Variants in LINGO2 observed in about 807,000 individuals in gnomAD.
The protein encoded by LINGO2 is leucine rich repeat and Ig domain containing 2, also known as leucine-rich repeat and immunoglobulin-like domain-containing nogo receptor-interacting protein 2.
In LINGO2, 14 loss-of-function variants were observed where a neutral mutation model predicts 30.6. The observed-to-expected ratio is 0.46, with a 90% CI of 0.30 to 0.72. The LOEUF is 0.72. Ranked by LOEUF, LINGO2 falls within the 30% of genes least tolerant of loss-of-function variation. LINGO2 has a pLI of 0.07. For missense variants in LINGO2, 729 were observed against 751.7 expected, an observed-to-expected ratio of 0.97 and a Z score of 0.35; for synonymous variants, 317 against 288.5, an observed-to-expected ratio of 1.10 and a Z score of -1.00.
At chr9:28,454,770 A>G (rs1366431722) in intron 2 of LINGO2, among the ~76,000 whole-genome samples, 1 of 152,026 alleles carries the variant, frequency 6.6e-6, no homozygotes, top group Non-Finnish European at 1.5e-5. Context: ...CACTTGACAG[A>G]TATCATAGAA....
At chr9:28,912,100 C>T in the LINGO2 span, among the ~76,000 whole-genome samples, 1 of 152,136 alleles carries the variant, frequency 6.6e-6, no homozygotes, top group African/African-American at 2.4e-5. Flanking sequence ...GGCAACATGG[C>T]TTAATCTAAC....
At chr9:28,926,139 C>A in the LINGO2 span, among the ~76,000 whole-genome samples, 1 of 152,032 alleles carries the variant, frequency 6.6e-6, no homozygotes, top group Non-Finnish European at 1.5e-5. Context: ...ATGGTGAAAC[C>A]CCATCTCTAC....
At chr9:28,610,185 G>A (rs1356704021) in intron 1 of LINGO2, among the ~76,000 whole-genome samples, 1 of 151,962 alleles carries the variant, frequency 6.6e-6, no homozygotes, top group African/African-American at 2.4e-5. Flanking sequence ...GACTATTTTT[G>A]AAGTATTTAA....
chr9:28,254,472 G>T (rs1822313782), intron 4 of LINGO2, among the ~76,000 whole-genome samples: 1 of 152,018 alleles, frequency 6.6e-6, no homozygotes, highest in African/African-American at 2.4e-5. Context: ...CTTCCTAGAT[G>T]AAAGATAGAC....
At chr9:28,841,204 G>C in the LINGO2 span, among the ~76,000 whole-genome samples, 1 of 151,726 alleles carries the variant, frequency 6.6e-6, no homozygotes, top group Non-Finnish European at 1.5e-5. Context: ...GTAGAAATCA[G>C]GGCTGACTCA....
chr9:28,427,880 TTA>T (rs1251146332), intron 2 of LINGO2, among the ~76,000 whole-genome samples: 1 of 152,136 alleles, frequency 6.6e-6, no homozygotes, highest in Non-Finnish European at 1.5e-5. Flanking sequence ...ACTGATAATA[TTA>T]TATGAGGACA....
intron 4 of LINGO2, among the ~76,000 whole-genome samples, chr9:28,125,851 G>T (rs1313828022): frequency 1.3e-5 from 2 of 152,106 alleles, no homozygotes; most frequent in Non-Finnish European, 2.9e-5. Flanking sequence ...AATTCCAGAG[G>T]TTCAGTTTTT....
chr9:28,499,053 A>C (rs912724079), intron 1 of LINGO2, among the ~76,000 whole-genome samples: 20 of 152,128 alleles, frequency 1.3e-4, no homozygotes, highest in African/African-American at 4.8e-4. Flanking sequence ...GTATTTTCAC[A>C]AGAAAGTAGC....
chr9:28,317,314 T>G (rs1824880231), intron 3 of LINGO2, among the ~76,000 whole-genome samples: 1 of 152,144 alleles, frequency 6.6e-6, no homozygotes, highest in Non-Finnish European at 1.5e-5. Flanking sequence ...TTATCTCAGT[T>G]GGAGAGCTAG....
At chr9:28,526,721 C>T (rs966597414) in intron 1 of LINGO2, among the ~76,000 whole-genome samples, 1 of 152,198 alleles carries the variant, frequency 6.6e-6, no homozygotes, top group Admixed American at 6.5e-5. Flanking sequence ...TCCCTGGAAG[C>T]TCAAGTACCT....
intron 4 of LINGO2, among the ~76,000 whole-genome samples, chr9:28,021,262 C>T (rs1442897022): frequency 6.6e-6 from 1 of 152,104 alleles, no homozygotes; most frequent in African/African-American, 2.4e-5. Context: ...TTCTTTGACC[C>T]ATGTGTTATG....
At chr9:28,493,932 G>A (rs536907301) in intron 1 of LINGO2, among the ~76,000 whole-genome samples, 1 of 152,076 alleles carries the variant, frequency 6.6e-6, no homozygotes, top group Admixed American at 6.5e-5. Flanking sequence ...GACTTGACTG[G>A]CTTCCTCTCT....
At chr9:28,444,712 G>GAGCCTTGCA (rs1162334195) in intron 2 of LINGO2, among the ~76,000 whole-genome samples, 13 of 152,156 alleles carry the variant, frequency 8.5e-5, no homozygotes, top group African/African-American at 3.1e-4. Context: ...GGTCCAACTG[G>GAGCCTTGCA]AGCCTTGCAT....
At chr9:27,961,954 A>C (rs1259011372) in intron 5 of LINGO2, among the ~76,000 whole-genome samples, 3 of 152,186 alleles carry the variant, frequency 2.0e-5, no homozygotes, top group African/African-American at 7.2e-5. Flanking sequence ...AATTTAAAGC[A>C]GCATGAGGAA....
chr9:28,682,958 A>G, the LINGO2 span, among the ~76,000 whole-genome samples: 17,486 of 152,090 alleles, frequency 0.11, 1,183 homozygotes, highest in African/African-American at 0.18. Flanking sequence ...TGAATGAAGG[A>G]TAAGAAAACC....
intron 4 of LINGO2, among the ~76,000 whole-genome samples, chr9:28,249,427 G>A (rs1822115766): frequency 1.3e-5 from 2 of 152,120 alleles, no homozygotes; most frequent in Admixed American, 1.3e-4. Flanking sequence ...TGTGTTTAAT[G>A]TGCTTATGGT....
At chr9:28,117,652 C>T (rs1348193082) in intron 4 of LINGO2, among the ~76,000 whole-genome samples, 1 of 132,418 alleles carries the variant, frequency 7.6e-6, no homozygotes, top group Non-Finnish European at 1.6e-5. Flanking sequence ...GCGCAATATT[C>T]GGGTGGGAGT....
intron 4 of LINGO2, among the ~76,000 whole-genome samples, chr9:28,127,662 CCTCTCTATGGTGGAAATGTT>C (rs879809462): frequency 6.6e-6 from 1 of 152,130 alleles, no homozygotes; most frequent in Non-Finnish European, 1.5e-5. Context: ...GTGGAAATGT[CCTCTCTATGGTGGAAATGTT>C]CTCTCTATGG....
At chr9:28,688,299 A>T in the LINGO2 span, among the ~76,000 whole-genome samples, 1 of 152,198 alleles carries the variant, frequency 6.6e-6, no homozygotes, top group Non-Finnish European at 1.5e-5. Context: ...CTTAGAAGGA[A>T]AGCCTTAAAG....
Sources: allele counts gnomAD v4.1 joint callset (sites outside exome capture counted in the v4.1 genomes callset), GRCh38; gene constraint gnomAD v4.1.1; transcripts MANE v1.5; gene names NCBI Gene and HGNC (gene_info 2026-07-23, HGNC 2026-07-21).